The following RAPGEF5 variants were observed in gnomAD, a reference collection of about 807,000 sequenced individuals.
The protein encoded by RAPGEF5 is Rap guanine nucleotide exchange factor 5, also known as M-Ras-regulated GEF.
In RAPGEF5, 65 loss-of-function variants were observed where a neutral mutation model predicts 125.2. That is an observed-to-expected ratio of 0.52 (90% CI 0.43 to 0.64). The LOEUF (loss-of-function observed/expected upper bound fraction) is 0.64. RAPGEF5 is among the 30% of genes least tolerant of loss of function. The pLI is 0.00. For synonymous variants in RAPGEF5, 391 were observed against 385.9 expected (o/e 1.01, Z -0.16); for missense variants, 958 against 1,048.1 (o/e 0.91, Z 1.19).
At chr7:22,133,640 T>C (rs1472726910) in intron 23 of RAPGEF5, among the ~76,000 whole-genome samples, 3 of 152,290 alleles carry the variant, frequency 2.0e-5, no homozygotes, top group East Asian at 1.9e-4. Context: ...AACTCCACTC[T>C]AAGACACATA....
chr7:22,267,920 G>A (rs1444832923), intron 6 of RAPGEF5, among the ~76,000 whole-genome samples: 3 of 151,596 alleles, frequency 2.0e-5, no homozygotes, highest in Admixed American at 6.6e-5. Flanking sequence ...TTGCAGTAAT[G>A]ACACTTTAAA....
intron 24 of RAPGEF5, among the ~76,000 whole-genome samples, chr7:22,128,965 A>G (rs1448798637): frequency 6.6e-6 from 1 of 152,196 alleles, no homozygotes; most frequent in Admixed American, 6.5e-5. Context: ...AATAGAAGTC[A>G]TATCATTTAG....
intron 11 of RAPGEF5, among the ~76,000 whole-genome samples, chr7:22,189,279 C>A (rs1259086416): frequency 6.6e-6 from 1 of 151,976 alleles, no homozygotes; most frequent in African/African-American, 2.4e-5. Context: ...AACACAGATT[C>A]AGAAAGAAAA....
rs746497604 is a variant in RAPGEF5 at position 22,122,536 on chromosome 7, G to T, written c.2537-15C>A. On this transcript the variant is annotated splice_polypyrimidine_tract_variant and intron_variant, in intron 25 of 25. Transcript: ENST00000665637. ...AGACAGGTCACCTGTTGTTTAGAGGGGGAAAAAAGACAATCTCAGGAGAGC... is the reference window on the plus strand; with the variant it reads ...AGACAGGTCACCTGTTGTTTAGAGGTGGAAAAAAGACAATCTCAGGAGAGC... 1.3e-6 allele frequency: 2 copies of T among 1,575,158 alleles called. No individual in the cohort carries two copies. Among genetic ancestry groups the T allele is most frequent in the African/African-American group, 1.3e-5 (1 of 74,130 alleles).
chr7:22,314,881 A>C (rs1783556433), intron 3 of RAPGEF5, among the ~76,000 whole-genome samples: 1 of 152,072 alleles, frequency 6.6e-6, no homozygotes, highest in Admixed American at 6.5e-5. Flanking sequence ...TTACTCTCAT[A>C]TCTCTGTCAA....
At chr7:22,233,541 C>T (rs1171310143) in intron 7 of RAPGEF5, among the ~76,000 whole-genome samples, 2 of 152,084 alleles carry the variant, frequency 1.3e-5, no homozygotes, top group Admixed American at 6.6e-5. Flanking sequence ...ACAGTTAACA[C>T]ACTTTTTTAG....
chr7:22,271,323 A>G (rs542957580), intron 6 of RAPGEF5, among the ~76,000 whole-genome samples: 2 of 152,218 alleles, frequency 1.3e-5, no homozygotes, highest in African/African-American at 4.8e-5. Flanking sequence ...TTCAACAAGT[A>G]TCTTACTTTC....
chr7:22,336,427 A>C (rs1052358072), intron 1 of RAPGEF5, among the ~76,000 whole-genome samples: 2 of 152,250 alleles, frequency 1.3e-5, no homozygotes, highest in East Asian at 1.9e-4. Flanking sequence ...GTGGTACAGA[A>C]ACAGGCTATA....
In RAPGEF5 at chr7:22,160,612, T is replaced by A; in HGVS notation, c.1432A>T (p.Ile478Leu). ...DEHSKMFLKT[I>L]YRNVLDDVYE... ...ACATCATCCAGTACATTCCTATATATGGTCTGGAGAAAAAAGACAAATGAG... is the reference window on the plus strand; with the variant it reads ...ACATCATCCAGTACATTCCTATATAAGGTCTGGAGAAAAAAGACAAATGAG... The change falls in exon 14 of 26, where the codon ATA becomes TTA. Residue 478 changes from isoleucine (I) to leucine (L), a missense_variant. Ile to Leu is a conservative substitution (Grantham distance 5). Transcript: ENST00000665637. The A allele has an allele frequency of 6.5e-7, 1 of 1,530,372 alleles. No individual in the cohort carries two copies. Among genetic ancestry groups the A allele is most frequent in the Middle Eastern group, 1.7e-4 (1 of 5,954 alleles). 94.8% of individuals were successfully genotyped at this position (1,530,372 alleles called of 1,614,324 possible).
intron 1 of RAPGEF5, among the ~76,000 whole-genome samples, chr7:22,343,636 G>A (rs1375052905): frequency 6.6e-6 from 1 of 152,198 alleles, no homozygotes; most frequent in East Asian, 1.9e-4. Flanking sequence ...GCTTCATGGT[G>A]AGGTTACTGT....
At chr7:22,308,246 G>T in intron 5 of RAPGEF5, 93 bp downstream of exon 5, 1 of 1,241,434 alleles carries the variant, frequency 8.1e-7, no homozygotes, top group South Asian at 1.9e-5. Context: ...TCTTAAGTGA[G>T]ACAGTGATCT....
In RAPGEF5 at chr7:22,121,831, A is replaced by C. The variant is rs1467373978; in HGVS notation, c.*575T>G. On this transcript the variant is annotated 3_prime_UTR_variant, in exon 26 of 26. Transcript: ENST00000665637. ...TTGACATTGTTCATCTGCCCATCAG[A>C]GCATGGATGCTAGCTGCAGTCCTCA... The C allele has an allele frequency of 6.5e-6, 1 of 153,654 alleles. No individual in the cohort carries two copies. Among genetic ancestry groups the C allele is most frequent in the East Asian group, 1.9e-4 (1 of 5,236 alleles). 9.5% of individuals were successfully genotyped at this position (153,654 alleles called of 1,614,324 possible). A position where few individuals can be genotyped will look rare whatever the true frequency, so the allele number is the denominator to read the frequency against.
chr7:22,223,967 T>C (rs542167168), intron 8 of RAPGEF5, among the ~76,000 whole-genome samples: 2 of 152,304 alleles, frequency 1.3e-5, no homozygotes, highest in South Asian at 2.1e-4. Flanking sequence ...GGGGTCTCTG[T>C]TGCAACTGCC....
At chr7:22,351,387 G>C (rs1308853782) in intron 1 of RAPGEF5, among the ~76,000 whole-genome samples, 1 of 152,154 alleles carries the variant, frequency 6.6e-6, no homozygotes, top group Non-Finnish European at 1.5e-5. Flanking sequence ...AATATCAGCA[G>C]GTACTATAAG....
At chr7:22,267,221 T>C (rs962238565) in intron 6 of RAPGEF5, among the ~76,000 whole-genome samples, 10 of 152,188 alleles carry the variant, frequency 6.6e-5, no homozygotes, top group Admixed American at 2.0e-4. Context: ...ATTGAATTAC[T>C]TTTTTAAAAG....
chr7:22,134,517 TG>T (rs1351398724), intron 23 of RAPGEF5, among the ~76,000 whole-genome samples: 12 of 152,138 alleles, frequency 7.9e-5, no homozygotes, highest in Non-Finnish European at 1.5e-4. Flanking sequence ...TTAAATATTT[TG>T]GGGGGGAAAC....
At chr7:22,250,030 G>A (rs1786579061) in intron 7 of RAPGEF5, among the ~76,000 whole-genome samples, 1 of 152,188 alleles carries the variant, frequency 6.6e-6, no homozygotes, top group African/African-American at 2.4e-5. Context: ...GCGGCTATCA[G>A]AAAGGGACCT....
Position 22,122,263 on chromosome 7 carries a change from C to T in RAPGEF5, c.*143G>A, listed in dbSNP as rs1782602551. On this transcript the variant is annotated 3_prime_UTR_variant, in exon 26 of 26. Coordinates refer to ENST00000665637, the MANE Select transcript of RAPGEF5 (RefSeq NM_012294.5). ...TGGCTGACATCACTTCCTGAACACG[C>T]TTTGGCTGGCTTTCCTGTGAATGTC... is the stretch of plus-strand genomic sequence containing the variant. 1.5e-6 allele frequency: 1 copy of T among 646,410 alleles called. No homozygotes were observed. The highest frequency in any genetic ancestry group is 2.0e-5 in the South Asian group (1 of 50,042). The allele number at this position is 646,410 out of a possible 1,614,324, so 40.0% of individuals were successfully genotyped here.
rs1784220476 is a variant in RAPGEF5 at position 22,346,137 on chromosome 7, G to A, written c.231+10693C>T. Among the ~76,000 whole-genome samples the A allele has an allele frequency of 2.0e-5, 3 of 152,228 alleles. No homozygotes were observed. The South Asian group carries it at 6.2e-4, about 32-fold the overall frequency. On this transcript the variant is annotated intron_variant, in intron 1 of 25. Coordinates refer to ENST00000665637, the MANE Select transcript of RAPGEF5 (RefSeq NM_012294.5). ...CACTGCTTGGACCTTGGCCAGACAA[G>A]GAACAAGAAATAAAACCTGATTCCC...
Sources: allele counts gnomAD v4.1 joint callset (sites outside exome capture counted in the v4.1 genomes callset), GRCh38; gene constraint gnomAD v4.1.1; transcripts MANE v1.5; gene names NCBI Gene and HGNC (gene_info 2026-07-23, HGNC 2026-07-21).